Variants in KIF5C observed in about 807,000 individuals in gnomAD.
KIF5C encodes kinesin family member 5C.
KIF5C carries 18 observed loss-of-function variants against 125.2 expected under a neutral mutation model. The ratio of observed to expected loss-of-function variants is 0.14; its 90% CI spans 0.10 to 0.21. The LOEUF (loss-of-function observed/expected upper bound fraction) is 0.21, where lower values mean the gene tolerates loss of function less well. KIF5C is among the 10% of genes least tolerant of loss of function. KIF5C has a pLI of 1.00. For missense variants in KIF5C, 780 were observed against 1,183.8 expected (o/e 0.66, Z 5.01); for synonymous variants, 405 against 434.0 (o/e 0.93, Z 0.83).
intron 15 of KIF5C, among the ~76,000 whole-genome samples, chr2:148,989,177 C>T: frequency 6.6e-6 from 1 of 152,144 alleles, no homozygotes; most frequent in Admixed American, 6.5e-5. Flanking sequence ...TTTGTGTCCT[C>T]ATAGCTAGCT....
At chr2:149,021,678 CAGAA>C (rs1387896144) in intron 25 of KIF5C, among the ~76,000 whole-genome samples, 2 of 146,182 alleles carry the variant, frequency 1.4e-5, no homozygotes, top group Non-Finnish European at 3.0e-5. Flanking sequence ...AGAGGCAAAA[CAGAA>C]AGCATAATGC....
At chr2:148,980,820 C>T (rs1251820380) in intron 13 of KIF5C, among the ~76,000 whole-genome samples, 2 of 151,996 alleles carry the variant, frequency 1.3e-5, no homozygotes, top group African/African-American at 4.8e-5. Flanking sequence ...ATTCTCCTGC[C>T]TCAGCTTCCC....
Position 148,875,564 on chromosome 2 carries a change from TCCC to T in KIF5C, c.-53_-51del. On this transcript the variant is annotated 5_prime_UTR_variant, in exon 1 of 26. Transcript: ENST00000435030. ...AGCTCGCGGCCTCCTCCCTCGTCGT[TCCC>T]GGCCCCGGCCCCCCACCCATCCCCG... 1 of 999,386 alleles carries T rather than the reference TCCC, an allele frequency of 1.0e-6. No individual in the cohort carries two copies. The highest frequency in any genetic ancestry group is 1.5e-6 in the Non-Finnish European group (1 of 653,546). 61.9% of individuals were successfully genotyped at this position (999,386 alleles called of 1,614,324 possible).
At chr2:148,880,573 T>C (rs1037887830) in intron 1 of KIF5C, among the ~76,000 whole-genome samples, 1 of 152,254 alleles carries the variant, frequency 6.6e-6, no homozygotes, top group Non-Finnish European at 1.5e-5. Context: ...TGTAAGAAAC[T>C]GCCAAACTGT....
At chr2:149,017,885 C>T (rs1247616089) in intron 25 of KIF5C, among the ~76,000 whole-genome samples, 1 of 152,144 alleles carries the variant, frequency 6.6e-6, no homozygotes, top group Non-Finnish European at 1.5e-5. Context: ...GTCCAAACCA[C>T]CAAACTTCAC....
intron 15 of KIF5C, among the ~76,000 whole-genome samples, chr2:148,985,228 C>T (rs1467758273): frequency 1.3e-5 from 2 of 152,084 alleles, no homozygotes; most frequent in Non-Finnish European, 2.9e-5. Context: ...GAACAGGTAA[C>T]AATTTGCTGG....
chr2:149,002,959 T>C (rs570135472), intron 21 of KIF5C, among the ~76,000 whole-genome samples: 13 of 152,326 alleles, frequency 8.5e-5, no homozygotes, highest in African/African-American at 3.1e-4. Context: ...GTCCGTTCTC[T>C]CTCCCACGCT....
chr2:148,976,366 T>C (rs529850392), intron 12 of KIF5C, among the ~76,000 whole-genome samples: 3 of 151,914 alleles, frequency 2.0e-5, no homozygotes, highest in Admixed American at 2.0e-4. Flanking sequence ...GCCTCCTGGG[T>C]TCAAGCAATT....
At chr2:149,007,446 C>T (rs940161250) in intron 22 of KIF5C, among the ~76,000 whole-genome samples, 1 of 151,978 alleles carries the variant, frequency 6.6e-6, no homozygotes, top group Non-Finnish European at 1.5e-5. Flanking sequence ...TTAATTTGAG[C>T]CTGGTTCATT....
At chr2:148,962,934 C>T (rs1682964224) in intron 11 of KIF5C, among the ~76,000 whole-genome samples, 2 of 152,152 alleles carry the variant, frequency 1.3e-5, no homozygotes, top group Admixed American at 6.5e-5. Flanking sequence ...CTCAAAGGAG[C>T]CCTGTGCTAA....
chr2:148,951,964 A>G (rs993601254), intron 10 of KIF5C, among the ~76,000 whole-genome samples: 4 of 152,186 alleles, frequency 2.6e-5, no homozygotes, highest in Non-Finnish European at 5.9e-5. Flanking sequence ...CACCTGTGGG[A>G]TGTCTAAATA....
At chr2:148,999,652 A>G (rs1041818674) in intron 19 of KIF5C, among the ~76,000 whole-genome samples, 5 of 152,148 alleles carry the variant, frequency 3.3e-5, no homozygotes, top group Non-Finnish European at 5.9e-5. Context: ...ACCCTCACAG[A>G]TTCGACTGGA....
chr2:148,995,319 G>T (rs1681635894), intron 17 of KIF5C, among the ~76,000 whole-genome samples: 1 of 152,208 alleles, frequency 6.6e-6, no homozygotes, highest in African/African-American at 2.4e-5. Flanking sequence ...ATGGCATCCT[G>T]TTGCTCTTAA....
chr2:149,012,305 G>A (rs568058031), intron 25 of KIF5C, among the ~76,000 whole-genome samples: 4 of 152,346 alleles, frequency 2.6e-5, no homozygotes, highest in East Asian at 1.9e-4. Context: ...AGCAGAGAGC[G>A]AAAACTGTCA....
intron 13 of KIF5C, among the ~76,000 whole-genome samples, chr2:148,979,899 G>A (rs1225326857): frequency 6.6e-6 from 1 of 152,198 alleles, no homozygotes; most frequent in East Asian, 1.9e-4. Flanking sequence ...AAGAACCTAA[G>A]CAAAGGATAG....
At chr2:148,998,607 C>T (rs1311634007) in intron 19 of KIF5C, 98 bp downstream of exon 19, 5 of 1,513,578 alleles carry the variant, frequency 3.3e-6, no homozygotes, top group African/African-American at 1.4e-5. Context: ...GGGCCCTGCT[C>T]ACCTTGCCCT....
At position 149,000,802 on chromosome 2, in the gene KIF5C, G is replaced by T. The variant is rs766843270; in HGVS notation, c.2373+20G>T. On this transcript the variant is annotated intron_variant, in intron 21 of 25. Transcript: ENST00000435030. ...ACAGTGGTATGTCAAGATATTTCCCGATTTATGTTTGTCTCCAAGACCGGA... is the reference window on the plus strand; with the variant it reads ...ACAGTGGTATGTCAAGATATTTCCCTATTTATGTTTGTCTCCAAGACCGGA... The T allele has an allele frequency of 1.2e-6, 2 of 1,612,104 alleles. No individual in the cohort carries two copies. Among genetic ancestry groups the T allele is most frequent in the African/African-American group, 1.3e-5 (1 of 74,850 alleles).
chr2:148,908,996 C>A (rs1307174227), intron 1 of KIF5C, among the ~76,000 whole-genome samples: 4 of 152,200 alleles, frequency 2.6e-5, no homozygotes, highest in African/African-American at 9.7e-5. Flanking sequence ...TATTATAGAG[C>A]TTTAAAGTAC....
intron 3 of KIF5C, among the ~76,000 whole-genome samples, chr2:148,931,358 G>A (rs1172201866): frequency 1.3e-5 from 2 of 152,196 alleles, no homozygotes; most frequent in African/African-American, 4.8e-5. Context: ...AGAGATGGAT[G>A]TAGGGTGATG....
Sources: allele counts gnomAD v4.1 joint callset (sites outside exome capture counted in the v4.1 genomes callset), GRCh38; gene constraint gnomAD v4.1.1; transcripts MANE v1.5; gene names NCBI Gene and HGNC (gene_info 2026-07-23, HGNC 2026-07-21).